NFIX: variants seen among roughly 807,000 people sequenced by gnomAD.
NFIX encodes the protein nuclear factor 1 X-type.
Under a neutral mutation model 53.3 loss-of-function variants are expected in NFIX, and 2 were observed. The observed-to-expected ratio is 0.04, with a 90% CI of 0.02 to 0.12. The LOEUF (loss-of-function observed/expected upper bound fraction) is 0.12, where lower values mean the gene tolerates loss of function less well. NFIX is among the 10% of genes least tolerant of loss of function. The pLI, the probability that NFIX is intolerant of heterozygous loss-of-function variation, is 1.00. For synonymous variants in NFIX, 244 were observed against 289.0 expected (o/e 0.84, Z 1.58); for missense variants, 310 against 674.5 (o/e 0.46, Z 5.99).
rs2016874080 is a variant in NFIX, at chr19:13,073,246, T to C, written c.622+137T>C. The C allele has an allele frequency of 3.0e-6, 3 of 1,010,554 alleles. No homozygotes were observed. Among genetic ancestry groups the C allele is most frequent in the Non-Finnish European group, 4.7e-6 (3 of 635,748 alleles). The allele number at this position is 1,010,554 out of a possible 1,614,324, so 62.6% of individuals were successfully genotyped here. On this transcript the variant is annotated intron_variant, in intron 3 of 10. Coordinates refer to ENST00000592199, the MANE Select transcript of NFIX (RefSeq NM_001365902.3). The surrounding 1 kb of genome is among the most constrained non-coding windows in gnomAD (Gnocchi z 4.5). The stretch of plus-strand genomic sequence containing the variant: ...CTTGACTGAGCTTAGCTTGCTGTCC[T>C]GAGGGGATGGGGGCACACCTAGAGG...
At position 13,049,084 on chromosome 19, in the gene NFIX, A is replaced by G. The variant is rs189712866; in HGVS notation, c.559+23532A>G. Among the ~76,000 whole-genome samples the G allele has an allele frequency of 1.4e-4, 22 of 151,944 alleles. No individual in the cohort carries two copies. The South Asian group carries it at 4.6e-3, about 32-fold the overall frequency. ...AGAGCAAGACTCTGTCTAAAAAAAA[A>G]CAAAACAAAACAAAAATTAGCCATG... On this transcript the variant is annotated intron_variant, in intron 2 of 10. Coordinates refer to ENST00000592199, the MANE Select transcript of NFIX (RefSeq NM_001365902.3). This position sits in a 1 kb window ranked among gnomAD's most constrained non-coding sequence, Gnocchi z 4.5.
chr19:13,012,292 C>T lies in NFIX; in HGVS notation c.28-12729C>T, dbSNP rs1276452351. On this transcript the variant is annotated intron_variant, in intron 1 of 10. Transcript: ENST00000592199. The surrounding 1 kb of genome is among the most constrained non-coding windows in gnomAD (Gnocchi z 5.0). ...GTGAGGGGAAACTGGGAGCATAGGT[C>T]TGGCTTTCGACCGTTTGTGCCGCCA... The T allele has an allele frequency of 6.6e-6, 1 of 152,332 alleles. No individual in the cohort carries two copies. The highest frequency in any genetic ancestry group is 6.5e-5 in the Admixed American group (1 of 15,282). The allele number at this position is 152,332 out of a possible 1,614,324, so 9.4% of individuals were successfully genotyped here.
rs190416177 is a variant in NFIX, at chr19:13,066,016, A to G, written c.560-7031A>G. Reference sequence around the variant, plus strand: ...CTTCTGGCTATGAGTCTATCTCCACATGGGGAGTGGAGGCAACCAAGGACT... The same window carrying G: ...CTTCTGGCTATGAGTCTATCTCCACGTGGGGAGTGGAGGCAACCAAGGACT... On this transcript the variant is annotated intron_variant, in intron 2 of 10. Coordinates refer to ENST00000592199, the MANE Select transcript of NFIX (RefSeq NM_001365902.3). This position sits in a 1 kb window ranked among gnomAD's most constrained non-coding sequence, Gnocchi z 4.2. Among the ~76,000 whole-genome samples the G allele has an allele frequency of 6.6e-6, 1 of 152,144 alleles. No homozygotes were observed. Among genetic ancestry groups the G allele is most frequent in the African/African-American group, 2.4e-5 (1 of 41,404 alleles).
Position 13,036,718 on chromosome 19 carries a change from CAG to C in NFIX, c.559+11167_559+11168del, listed in dbSNP as rs549308258. 3.3e-5 allele frequency among the ~76,000 whole-genome samples: 5 copies of C among 152,124 alleles called. No individual in the cohort carries two copies. The highest frequency in any genetic ancestry group is 1.9e-4 in the East Asian group (1 of 5,194). ...TATAACAGGTGGCCCAGAATACAGA[CAG>C]GGGGTGTAATAAGTGTATATCCTCT... On this transcript the variant is annotated intron_variant, in intron 2 of 10. Coordinates refer to ENST00000592199, the MANE Select transcript of NFIX (RefSeq NM_001365902.3). The surrounding 1 kb of genome is among the most constrained non-coding windows in gnomAD (Gnocchi z 4.7).
At chr19:12,997,816 A>G (rs1409069890) in intron 1 of NFIX, among the ~76,000 whole-genome samples, 1 of 152,182 alleles carries the variant, frequency 6.6e-6, no homozygotes, top group African/African-American at 2.4e-5. Flanking sequence ...CATGGCTAGG[A>G]AGGGGCTGGG....
At chr19:13,076,768 G>A (rs75339272) in intron 6 of NFIX, among the ~76,000 whole-genome samples, 1 of 152,204 alleles carries the variant, frequency 6.6e-6, no homozygotes, top group Non-Finnish European at 1.5e-5. Flanking sequence ...GCGAGGTGGG[G>A]CTGGGAAGCA....
rs2145472446 is a variant in NFIX, at chr19:13,081,197, TG to T, written c.1079-477del. 6.6e-6 allele frequency among the ~76,000 whole-genome samples: 1 copy of T among 150,974 alleles called. No homozygotes were observed. The highest frequency in any genetic ancestry group is 2.1e-4 in the South Asian group (1 of 4,784). ...GCGTGCACCTGTAGTGCTGGTTACT[TG>T]GGGGGCTGAGGTGGGAGGATTGCAT... On this transcript the variant is annotated intron_variant, in intron 7 of 10. Coordinates refer to ENST00000592199, the MANE Select transcript of NFIX (RefSeq NM_001365902.3). This position sits in a 1 kb window ranked among gnomAD's most constrained non-coding sequence, Gnocchi z 4.7.
In NFIX at chr19:13,094,711, A is replaced by G; in HGVS notation, c.*62A>G. 6.7e-7 allele frequency: 1 copy of G among 1,500,116 alleles called. No homozygotes were observed. The highest frequency in any genetic ancestry group is 9.0e-7 in the Non-Finnish European group (1 of 1,114,650). The allele number at this position is 1,500,116 out of a possible 1,614,324, so 92.9% of individuals were successfully genotyped here. A position where few individuals can be genotyped will look rare whatever the true frequency, so the allele number is the denominator to read the frequency against. On this transcript the variant is annotated 3_prime_UTR_variant, in exon 11 of 11. Coordinates refer to ENST00000592199, the MANE Select transcript of NFIX (RefSeq NM_001365902.3). The surrounding 1 kb of genome is among the most constrained non-coding windows in gnomAD (Gnocchi z 4.3). ...AGGTTCCTCGAAAGGGGGGAGAAGA[A>G]ATTTTGAGAATGGAAAAATCCCCCA...
intron 2 of NFIX, among the ~76,000 whole-genome samples, chr19:13,034,768 G>T (rs868194868): frequency 2.6e-5 from 4 of 152,110 alleles, no homozygotes; most frequent in Non-Finnish European, 5.9e-5. Context: ...AACTCTCGGG[G>T]TGTGTATATA....
rs769458149 is a variant in NFIX at position 13,073,137 on chromosome 19, C to T, written c.622+28C>T. The T allele has an allele frequency of 1.2e-6, 2 of 1,611,422 alleles. No individual in the cohort carries two copies. Among genetic ancestry groups the T allele is most frequent in the Admixed American group, 3.3e-5 (2 of 60,012 alleles). Reference sequence around the variant, plus strand: ...CAGTGCCCCCCACCTGCCCAGCTGCCCTTATCCTTCATGCCCCTCCACTTC... The same window carrying T: ...CAGTGCCCCCCACCTGCCCAGCTGCTCTTATCCTTCATGCCCCTCCACTTC... On this transcript the variant is annotated intron_variant, in intron 3 of 10. Transcript: ENST00000592199. The surrounding 1 kb of genome is among the most constrained non-coding windows in gnomAD (Gnocchi z 4.5).
In NFIX at chr19:13,088,737, C is replaced by T. The variant is rs1439572563; in HGVS notation, c.1402+601C>T. Among the ~76,000 whole-genome samples the T allele has an allele frequency of 6.6e-6, 1 of 152,030 alleles. No homozygotes were observed. The highest frequency in any genetic ancestry group is 1.5e-5 in the Non-Finnish European group (1 of 67,994). On this transcript the variant is annotated intron_variant, in intron 9 of 10. Transcript: ENST00000592199. The surrounding 1 kb of genome is among the most constrained non-coding windows in gnomAD (Gnocchi z 5.9). ...TTTTTTTTCCCCCCCTTCCATCCCT[C>T]TCCCGTCCCTTCTCCGCAATTCCTT...
chr19:13,019,917 C>T (rs2012878792), intron 1 of NFIX, among the ~76,000 whole-genome samples: 1 of 150,830 alleles, frequency 6.6e-6, no homozygotes, highest in Non-Finnish European at 1.5e-5. Flanking sequence ...ATGTTTCCTG[C>T]TTTTCCTTTT....
chr19:13,073,022 T>A lies in NFIX; in HGVS notation c.560-25T>A, dbSNP rs746473074. On this transcript the variant is annotated intron_variant, in intron 2 of 10. Coordinates refer to ENST00000592199, the MANE Select transcript of NFIX (RefSeq NM_001365902.3). The surrounding 1 kb of genome is among the most constrained non-coding windows in gnomAD (Gnocchi z 4.5). ...TATGGGGAACTTTGCTCCTGATACA[T>A]TCTCCCCTTTTGTGTCTCCTGCAGA... The A allele has an allele frequency of 1.2e-6, 2 of 1,612,190 alleles. No individual in the cohort carries two copies. The highest frequency in any genetic ancestry group is 1.1e-5 in the South Asian group (1 of 91,050).
At position 13,088,565 on chromosome 19, in the gene NFIX, C is replaced by G. The variant is rs1320806480; in HGVS notation, c.1402+429C>G. ...GTTGTTCCCCCCACACCAAGAAAAT[C>G]AAATGTAACCACAAGGCGACGCCAC... On this transcript the variant is annotated intron_variant, in intron 9 of 10. Coordinates refer to ENST00000592199, the MANE Select transcript of NFIX (RefSeq NM_001365902.3). This position sits in a 1 kb window ranked among gnomAD's most constrained non-coding sequence, Gnocchi z 5.9. Among the ~76,000 whole-genome samples the G allele has an allele frequency of 1.3e-5, 2 of 151,420 alleles. No individual in the cohort carries two copies. The highest frequency in any genetic ancestry group is 6.6e-5 in the Admixed American group (1 of 15,202).
Position 13,022,303 on chromosome 19 carries a change from G to C in NFIX, c.28-2718G>C, listed in dbSNP as rs536583361. ...TCGTCACCGCTAATGGAGTGTGCGTGGCTGGGTGTGGGCCGAAGGAGGAGG... is the reference window on the plus strand; with the variant it reads ...TCGTCACCGCTAATGGAGTGTGCGTCGCTGGGTGTGGGCCGAAGGAGGAGG... On this transcript the variant is annotated intron_variant, in intron 1 of 10. Transcript: ENST00000592199. The surrounding 1 kb of genome is among the most constrained non-coding windows in gnomAD (Gnocchi z 4.5). Among the ~76,000 whole-genome samples, 4 of 152,308 alleles carry C rather than the reference G, an allele frequency of 2.6e-5. No homozygotes were observed. In the East Asian group the frequency reaches 7.7e-4, roughly 29 times the overall value.
intron 1 of NFIX, among the ~76,000 whole-genome samples, chr19:13,008,226 T>C (rs1349592071): frequency 2.6e-5 from 4 of 152,138 alleles, no homozygotes; most frequent in African/African-American, 9.7e-5. Flanking sequence ...GAGGGGGTGC[T>C]GGGATGAGGC....
At position 13,068,876 on chromosome 19, in the gene NFIX, G is replaced by A. The variant is rs554754521; in HGVS notation, c.560-4171G>A. Among the ~76,000 whole-genome samples, 74 of 152,348 alleles carry A rather than the reference G, an allele frequency of 4.9e-4. No homozygotes were observed. Among genetic ancestry groups the A allele is most frequent in the African/African-American group, 1.8e-3 (73 of 41,582 alleles). On this transcript the variant is annotated intron_variant, in intron 2 of 10. Transcript: ENST00000592199. This position sits in a 1 kb window ranked among gnomAD's most constrained non-coding sequence, Gnocchi z 4.2. ...AGAGCTGCGTGTTTGTGTGACACGA[G>A]CCAGCCTGACACCCCCAAACAGCAT...
At chr19:12,997,807 A>G (rs2011523306) in intron 1 of NFIX, among the ~76,000 whole-genome samples, 1 of 152,184 alleles carries the variant, frequency 6.6e-6, no homozygotes, top group Admixed American at 6.5e-5. Context: ...CGCCGGTGAC[A>G]TGGCTAGGAA....
At chr19:13,023,931 T>TC in intron 1 of NFIX, 1 of 608,368 alleles carries the variant, frequency 1.6e-6, no homozygotes, top group Non-Finnish European at 2.9e-6. Context: ...CCTCCCCTGC[T>TC]CCTCCTCCTC....
Sources: allele counts gnomAD v4.1 joint callset (sites outside exome capture counted in the v4.1 genomes callset), GRCh38; gene constraint gnomAD v4.1.1; non-coding constraint Gnocchi (gnomAD v3.1); transcripts MANE v1.5; gene names NCBI Gene and HGNC (gene_info 2026-07-23, HGNC 2026-07-21).